Variants in RIMOC1 observed in about 807,000 individuals in gnomAD.
The protein encoded by RIMOC1 is RAB7A-interacting MON1-CCZ1 complex subunit 1.
At chr5:41,904,345 G>A in the RIMOC1 span, 4 of 1,611,384 alleles carry the variant, frequency 2.5e-6, no homozygotes, top group African/African-American at 5.3e-5. Flanking sequence ...CACGTGACCG[G>A]GGCGCACCCG....
the RIMOC1 span, among the ~76,000 whole-genome samples, chr5:41,907,472 AT>A: frequency 1.3e-5 from 2 of 152,176 alleles, no homozygotes; most frequent in Admixed American, 6.5e-5. Context: ...TACAGACTGC[AT>A]TTAAGAAATG....
chr5:41,919,359 A>T, the RIMOC1 span: 3 of 152,174 alleles, frequency 2.0e-5, no homozygotes, highest in African/African-American at 4.8e-5. Flanking sequence ...AGTGTTGCTC[A>T]AACAGTTAAA....
At chr5:41,905,328 C>T in the RIMOC1 span, among the ~76,000 whole-genome samples, 1 of 152,144 alleles carries the variant, frequency 6.6e-6, no homozygotes, top group Non-Finnish European at 1.5e-5. Context: ...TATCATTTAT[C>T]AGGAGTGTTT....
At chr5:41,908,799 A>G in the RIMOC1 span, among the ~76,000 whole-genome samples, 3 of 152,140 alleles carry the variant, frequency 2.0e-5, no homozygotes, top group African/African-American at 7.2e-5. Context: ...AGAGATACAG[A>G]TTTCAATTTT....
chr5:41,911,977 C>T, the RIMOC1 span: 46 of 826,228 alleles, frequency 5.6e-5, no homozygotes, highest in African/African-American at 7.5e-4. Context: ...AACCAATTTT[C>T]TCTTGAGTAA....
the RIMOC1 span, among the ~76,000 whole-genome samples, chr5:41,914,603 TAAA>T: frequency 8.0e-6 from 1 of 125,108 alleles, no homozygotes; most frequent in Non-Finnish European, 1.7e-5. Flanking sequence ...CTGCAAAAAC[TAAA>T]AAAAAAAAAA....
At chr5:41,909,909 T>G in the RIMOC1 span, 2 of 1,550,330 alleles carry the variant, frequency 1.3e-6, no homozygotes, top group Non-Finnish European at 1.8e-6. Context: ...TTTACATTCC[T>G]GTTAATTATG....
the RIMOC1 span, among the ~76,000 whole-genome samples, chr5:41,905,782 C>A: frequency 6.6e-6 from 1 of 152,132 alleles, no homozygotes. Flanking sequence ...TTCTCATTTC[C>A]CTTGGAAGAG....
the RIMOC1 span, chr5:41,909,814 T>G: frequency 1.3e-6 from 2 of 1,596,786 alleles, no homozygotes; most frequent in South Asian, 2.3e-5. Flanking sequence ...AAGACTCTTC[T>G]TCACAGAAAG....
At chr5:41,910,692 G>A in the RIMOC1 span, among the ~76,000 whole-genome samples, 4 of 151,674 alleles carry the variant, frequency 2.6e-5, no homozygotes, top group South Asian at 4.2e-4. Flanking sequence ...TTATTCCAGC[G>A]GTAGTAGAAA....
At chr5:41,907,693 CT>C in the RIMOC1 span, 1 of 1,267,720 alleles carries the variant, frequency 7.9e-7, no homozygotes, top group South Asian at 1.3e-5. Context: ...AAATAACACT[CT>C]GAAACTAGGT....
chr5:41,907,896 G>A, the RIMOC1 span: 1 of 1,025,740 alleles, frequency 9.7e-7, no homozygotes, highest in Non-Finnish European at 1.5e-6. Flanking sequence ...TGTTTATTTA[G>A]ATGATTGACT....
chr5:41,918,005 CA>C, the RIMOC1 span: 1 of 985,236 alleles, frequency 1.0e-6, no homozygotes, highest in African/African-American at 1.7e-5. Flanking sequence ...ACCATTAGTT[CA>C]TATGTTTTTG....
chr5:41,911,965 T>C, the RIMOC1 span: 2 of 757,064 alleles, frequency 2.6e-6, no homozygotes, highest in Non-Finnish European at 4.6e-6. Flanking sequence ...TGCCTATATA[T>C]TAACCAATTT....
At chr5:41,909,264 T>C in the RIMOC1 span, among the ~76,000 whole-genome samples, 1 of 152,076 alleles carries the variant, frequency 6.6e-6, no homozygotes, top group African/African-American at 2.4e-5. Flanking sequence ...TTGAGTTGCA[T>C]ATGTTGATGG....
the RIMOC1 span, chr5:41,904,384 C>A: frequency 1.3e-5 from 21 of 1,613,684 alleles, no homozygotes; most frequent in Admixed American, 2.0e-4. Flanking sequence ...GCCGCAGTCT[C>A]TAGTGTGGTG....
chr5:41,910,954 A>G, the RIMOC1 span: 2 of 1,416,986 alleles, frequency 1.4e-6, no homozygotes, highest in Non-Finnish European at 1.9e-6. Flanking sequence ...GTGACTTGAG[A>G]ATGTTTTTAA....
chr5:41,910,991 A>G, the RIMOC1 span: 1 of 1,571,486 alleles, frequency 6.4e-7, no homozygotes, highest in Non-Finnish European at 8.6e-7. Flanking sequence ...ATTTAACTTC[A>G]ACTTTTATAG....
At chr5:41,904,555 C>T in the RIMOC1 span, 1 of 1,295,078 alleles carries the variant, frequency 7.7e-7, no homozygotes, top group South Asian at 1.3e-5. Flanking sequence ...AGGCTGAGGC[C>T]TGTGTTCCTT....
Sources: allele counts gnomAD v4.1 joint callset (sites outside exome capture counted in the v4.1 genomes callset), GRCh38; gene constraint gnomAD v4.1.1; transcripts MANE v1.5; gene names NCBI Gene and HGNC (gene_info 2026-07-23, HGNC 2026-07-21).